The following CERS3 variants were observed in gnomAD, a reference collection of about 807,000 sequenced individuals.
CERS3 encodes ceramide synthase 3.
CERS3 carries 33 observed loss-of-function variants against 50.3 expected under a neutral mutation model. That is an observed-to-expected ratio of 0.66 (90% confidence interval 0.50 to 0.88). The LOEUF (loss-of-function observed/expected upper bound fraction) is 0.88. Among genes scored for constraint, CERS3 ranks in the 40% least tolerant of loss-of-function variants. The probability of loss-of-function intolerance (pLI) is 0.00; values close to 1 mark genes in which losing one functional copy is unlikely to be tolerated. For synonymous variants in CERS3, 176 were observed against 155.2 expected, an observed-to-expected ratio of 1.13 and a Z score of -0.99; for missense variants, 470 against 460.3, an observed-to-expected ratio of 1.02 and a Z score of -0.19.
intron 11 of CERS3, among the ~76,000 whole-genome samples, chr15:100,437,111 T>C (rs2033450976): frequency 1.3e-5 from 2 of 151,526 alleles, no homozygotes; most frequent in South Asian, 2.1e-4. Flanking sequence ...GCCCGGCTAA[T>C]TTTTTTTGTA....
intron 11 of CERS3, among the ~76,000 whole-genome samples, chr15:100,428,156 A>G (rs886790371): frequency 2.0e-5 from 3 of 152,200 alleles, no homozygotes; most frequent in African/African-American, 4.8e-5. Flanking sequence ...AAACTTTTCA[A>G]TGCAGTTGCC....
In CERS3 at chr15:100,401,359, CAGG is replaced by C. The variant is rs760129612; in HGVS notation, c.*1351_*1353del. 5 of 152,244 alleles carry C rather than the reference CAGG, an allele frequency of 3.3e-5. No homozygotes were observed. The highest frequency in any genetic ancestry group is 7.3e-5 in the Non-Finnish European group (5 of 68,098). The allele number at this position is 152,244 out of a possible 1,614,324, so 9.4% of individuals were successfully genotyped here. A position where few individuals can be genotyped will look rare whatever the true frequency, so the allele number is the denominator to read the frequency against. On this transcript the variant is annotated 3_prime_UTR_variant, in exon 12 of 12. Transcript: ENST00000679737. ...CCAGGTCAGCCCTGCACATTGTGCCCAGGAGATGTGTCCCTCTGGTGACAAGGC... is the reference window on the plus strand; with the variant it reads ...CCAGGTCAGCCCTGCACATTGTGCCCAGATGTGTCCCTCTGGTGACAAGGC...
intron 11 of CERS3, among the ~76,000 whole-genome samples, chr15:100,455,031 TGA>T (rs1325203730): frequency 6.6e-6 from 1 of 152,036 alleles, no homozygotes; most frequent in Non-Finnish European, 1.5e-5. Context: ...AAAACTACAA[TGA>T]GATATCATCT....
chr15:100,445,363 G>C (rs2142165912), intron 11 of CERS3, among the ~76,000 whole-genome samples: 1 of 151,302 alleles, frequency 6.6e-6, no homozygotes, highest in Non-Finnish European at 1.5e-5. Context: ...ATCTCCTGGT[G>C]CTATCCCCAA....
intron 1 of CERS3, among the ~76,000 whole-genome samples, chr15:100,525,198 A>C (rs779225328): frequency 1.2e-4 from 18 of 152,210 alleles, no homozygotes; most frequent in Non-Finnish European, 2.1e-4. Flanking sequence ...TTTTGGTTAA[A>C]TATCTTAGTT....
At position 100,504,381 on chromosome 15, in the gene CERS3, T is replaced by C. The variant is rs564013793; in HGVS notation, c.-1-2531A>G. Among the ~76,000 whole-genome samples the C allele has an allele frequency of 6.6e-5, 10 of 152,016 alleles. 1 individual carries two copies. In the South Asian group the frequency reaches 2.1e-3, roughly 32 times the overall value. ...GCCTCAGCCTCCCAAGTAGCTGGGA[T>C]TACAGACATATGCCACCATGGCCAG... On this transcript the variant is annotated intron_variant, in intron 2 of 11. Transcript: ENST00000679737.
intron 11 of CERS3, among the ~76,000 whole-genome samples, chr15:100,438,126 C>T (rs2033516301): frequency 6.9e-6 from 1 of 145,364 alleles, no homozygotes; most frequent in African/African-American, 2.5e-5. Context: ...CTCACTGCAA[C>T]CTCCACCTCT....
intron 11 of CERS3, among the ~76,000 whole-genome samples, chr15:100,441,531 C>A (rs1159788443): frequency 6.6e-6 from 1 of 151,936 alleles, no homozygotes; most frequent in South Asian, 2.1e-4. Context: ...TCACTATGGG[C>A]AACCTTCCAC....
At chr15:100,467,832 T>G (rs1365727729) in intron 10 of CERS3, among the ~76,000 whole-genome samples, 6 of 97,912 alleles carry the variant, frequency 6.1e-5, no homozygotes, top group Admixed American at 1.4e-4. Flanking sequence ...TGTATATATA[T>G]ACGTGTATAT....
chr15:100,449,088 C>T (rs937219706), intron 11 of CERS3, among the ~76,000 whole-genome samples: 6 of 152,200 alleles, frequency 3.9e-5, no homozygotes, highest in African/African-American at 1.4e-4. Context: ...GTCTGCTTCG[C>T]CTGGTTCCAC....
chr15:100,535,364 C>T (rs4327031), intron 1 of CERS3, among the ~76,000 whole-genome samples: 85,859 of 151,948 alleles, frequency 0.57, 24,502 homozygotes, highest in South Asian at 0.65. Flanking sequence ...CCAGTATTTA[C>T]TGGGTTCATA....
intron 11 of CERS3, among the ~76,000 whole-genome samples, chr15:100,441,525 T>C (rs915842174): frequency 6.6e-6 from 1 of 151,798 alleles, no homozygotes; most frequent in Non-Finnish European, 1.5e-5. Flanking sequence ...CCTCCTTCAC[T>C]ATGGGCAACC....
At chr15:100,499,950 T>C (rs1360633749) in intron 3 of CERS3, among the ~76,000 whole-genome samples, 1 of 152,200 alleles carries the variant, frequency 6.6e-6, no homozygotes, top group Non-Finnish European at 1.5e-5. Context: ...CCAGGTCATT[T>C]ACCTCTCATT....
intron 1 of CERS3, among the ~76,000 whole-genome samples, chr15:100,543,237 A>G (rs2037243992): frequency 6.6e-6 from 1 of 152,150 alleles, no homozygotes; most frequent in African/African-American, 2.4e-5. Context: ...GAGACTGTTT[A>G]TTTTGAAAAC....
chr15:100,418,976 C>T (rs1285474379), intron 11 of CERS3, among the ~76,000 whole-genome samples: 3 of 151,622 alleles, frequency 2.0e-5, no homozygotes, highest in Admixed American at 6.6e-5. Flanking sequence ...ACTGCAAAAT[C>T]GTGCCAAATT....
chr15:100,475,439 A>C (rs890654968), intron 8 of CERS3, among the ~76,000 whole-genome samples: 1 of 152,238 alleles, frequency 6.6e-6, no homozygotes, highest in Non-Finnish European at 1.5e-5. Flanking sequence ...AAGAGAATTT[A>C]TCATTTGATC....
Position 100,536,106 on chromosome 15 carries a change from T to C in CERS3, c.-354-7031A>G, listed in dbSNP as rs369799487. ...CTCATATGTGCACGGGAAGTGGGGA[T>C]ATCCCTGTGCTCATATGTGCACGGG... On this transcript the variant is annotated intron_variant, in intron 1 of 12. Transcript: ENST00000284382. 7.1e-3 allele frequency among the ~76,000 whole-genome samples: 466 copies of C among 65,888 alleles called. 1 individual carries two copies. The highest frequency in any genetic ancestry group is 0.061 in the Middle Eastern group (4 of 66). 43.2% of individuals were successfully genotyped at this position (65,888 alleles called of 152,430 possible).
intron 11 of CERS3, among the ~76,000 whole-genome samples, chr15:100,453,379 G>A (rs905259420): frequency 1.3e-5 from 2 of 152,116 alleles, no homozygotes; most frequent in South Asian, 2.1e-4. Flanking sequence ...ACATTACATC[G>A]ACAGAATGTA....
chr15:100,489,028 G>C (rs1421672006), intron 4 of CERS3, among the ~76,000 whole-genome samples: 1 of 152,134 alleles, frequency 6.6e-6, no homozygotes, highest in Non-Finnish European at 1.5e-5. Context: ...ACCCACCTTG[G>C]GCTCCCAAAG....
Sources: gnomAD v4.1 joint callset for allele counts (sites outside exome capture counted in the v4.1 genomes callset) on GRCh38, gnomAD v4.1.1 for gene constraint, MANE v1.5 for transcripts, NCBI Gene and HGNC (gene_info 2026-07-23, HGNC 2026-07-21) for gene names.